AKAP12: variants seen among roughly 807,000 people sequenced by gnomAD.
AKAP12 encodes A-kinase anchor protein 12.
In AKAP12, 32 loss-of-function variants were observed where a neutral mutation model predicts 79.9. The ratio of observed to expected loss-of-function variants is 0.40; its 90% CI spans 0.30 to 0.54. The LOEUF (loss-of-function observed/expected upper bound fraction) is 0.54, where lower values mean the gene tolerates loss of function less well. Ranked by LOEUF, AKAP12 falls within the 20% of genes least tolerant of loss-of-function variation. The probability of loss-of-function intolerance (pLI) is 0.48; values close to 1 mark genes in which losing one functional copy is unlikely to be tolerated. For synonymous variants in AKAP12, 808 were observed against 857.0 expected (o/e 0.94, Z 1.00); for missense variants, 2,074 against 2,177.0 (o/e 0.95, Z 0.94).
chr6:151,303,689 A>C (rs1026712202), intron 2 of AKAP12, among the ~76,000 whole-genome samples: 12 of 152,318 alleles, frequency 7.9e-5, no homozygotes, highest in African/African-American at 2.9e-4. Context: ...GCAGGTCTGT[A>C]CCAGACCTTT....
At chr6:151,297,860 T>C (rs1203708474) in intron 2 of AKAP12, among the ~76,000 whole-genome samples, 1 of 152,298 alleles carries the variant, frequency 6.6e-6, no homozygotes, top group African/African-American at 2.4e-5. Flanking sequence ...GTGACCGTAG[T>C]GTGAGATAAG....
intron 3 of AKAP12, among the ~76,000 whole-genome samples, chr6:151,340,867 A>G (rs919876334): frequency 2.0e-5 from 3 of 152,118 alleles, no homozygotes; most frequent in African/African-American, 7.2e-5. Context: ...CCTCGTGATT[A>G]GATGCCGTTA....
chr6:151,293,468 C>T (rs948661873), intron 2 of AKAP12, among the ~76,000 whole-genome samples: 7 of 152,172 alleles, frequency 4.6e-5, no homozygotes, highest in African/African-American at 1.7e-4. Context: ...TTGTGGAGGT[C>T]CAAGAAGTCA....
intron 2 of AKAP12, among the ~76,000 whole-genome samples, chr6:151,285,396 G>GTGTT (rs1188371343): frequency 4.3e-5 from 4 of 93,126 alleles, no homozygotes; most frequent in African/African-American, 1.3e-4. Flanking sequence ...GTGTGTGTGT[G>GTGTT]TGTGTGTGTG....
chr6:151,246,180 A>T (rs1481748285), intron 2 of AKAP12, among the ~76,000 whole-genome samples: 1 of 152,208 alleles, frequency 6.6e-6, no homozygotes, highest in Non-Finnish European at 1.5e-5. Context: ...GCACTTTGGG[A>T]GGCCGAGGCA....
chr6:151,285,311 A>T (rs1582855743), intron 2 of AKAP12, among the ~76,000 whole-genome samples: 1 of 151,882 alleles, frequency 6.6e-6, no homozygotes, highest in African/African-American at 2.4e-5. Context: ...CTTGGCAGTG[A>T]TTCACATTAC....
chr6:151,282,267 G>A (rs1477828237), intron 2 of AKAP12, among the ~76,000 whole-genome samples: 9 of 151,824 alleles, frequency 5.9e-5, no homozygotes, highest in Non-Finnish European at 1.3e-4. Flanking sequence ...GTGCCACCAC[G>A]CCCAGCTAAT....
rs141049034 is a variant in AKAP12 at position 151,293,623 on chromosome 6, C to T, written c.163-12124C>T. ...GCTCTAGGGGTCTGTATTCTGTGCT[C>T]TGTAACTTGACATGATCTGGGACCC... On this transcript the variant is annotated intron_variant, in intron 2 of 4. Coordinates refer to ENST00000402676, the MANE Select transcript of AKAP12 (RefSeq NM_005100.4). 6.5e-3 allele frequency among the ~76,000 whole-genome samples: 997 copies of T among 152,222 alleles called. 15 individuals carry two copies. The highest frequency in any genetic ancestry group is 0.023 in the African/African-American group (956 of 41,540).
chr6:151,351,742 A>G lies in AKAP12; in HGVS notation c.3351A>G (p.Pro1117=). ...TQGKVVGQTT[P]ESFEKAPQVT... ...GGAAGGTGGTGGGGCAGACCACCCC[A>G]GAAAGCTTTGAAAAAGCTCCTCAAG... is the stretch of plus-strand genomic sequence containing the variant. Residue 1117 remains proline, a synonymous_variant, in exon 4 of 5, where the codon CCA becomes CCG. Coordinates refer to ENST00000402676, the MANE Select transcript of AKAP12 (RefSeq NM_005100.4). The surrounding 1 kb of genome is among the most constrained non-coding windows in gnomAD (Gnocchi z 4.4). The G allele has an allele frequency of 6.2e-7, 1 of 1,614,236 alleles. No homozygotes were observed. The highest frequency in any genetic ancestry group is 8.5e-7 in the Non-Finnish European group (1 of 1,180,046).
intron 2 of AKAP12, among the ~76,000 whole-genome samples, chr6:151,264,103 T>C (rs551881477): frequency 1.3e-5 from 2 of 152,198 alleles, no homozygotes; most frequent in South Asian, 2.1e-4. Context: ...GCTAATGGTA[T>C]GCAGAAGGGA....
At chr6:151,343,866 A>T in intron 3 of AKAP12, 1 of 419,114 alleles carries the variant, frequency 2.4e-6, no homozygotes, top group East Asian at 8.0e-5. Flanking sequence ...CAAATTCATC[A>T]CAGTGTCAGT....
intron 2 of AKAP12, among the ~76,000 whole-genome samples, chr6:151,251,220 C>T (rs1024441494): frequency 5.3e-5 from 8 of 152,150 alleles, no homozygotes; most frequent in African/African-American, 9.7e-5. Flanking sequence ...AGTTGCAGCC[C>T]GTCGATGTTA....
At chr6:151,269,149 A>T (rs902340803) in intron 2 of AKAP12, among the ~76,000 whole-genome samples, 1 of 151,710 alleles carries the variant, frequency 6.6e-6, no homozygotes, top group Non-Finnish European at 1.5e-5. Flanking sequence ...GGACAGTTGA[A>T]TGTAGACAGT....
chr6:151,293,229 G>T (rs982001151), intron 2 of AKAP12, among the ~76,000 whole-genome samples: 1 of 152,204 alleles, frequency 6.6e-6, no homozygotes, highest in Non-Finnish European at 1.5e-5. Context: ...GCCACTTAAC[G>T]TGAGAGTAAT....
At chr6:151,317,176 A>T (rs950225383) in intron 3 of AKAP12, among the ~76,000 whole-genome samples, 4 of 152,220 alleles carry the variant, frequency 2.6e-5, no homozygotes, top group Admixed American at 2.0e-4. Flanking sequence ...GCTCTGAACC[A>T]GGAGCCTACC....
rs3734798 is a variant in AKAP12 at position 151,349,660 on chromosome 6, C to T, written c.1269C>T (p.Thr423=). Residue 423 remains threonine (T), a synonymous_variant, in exon 4 of 5, where the codon ACC becomes ACT. Transcript: ENST00000402676. ...TTGTGGCCGAAGTCCACGTCAGCAC[C>T]GTGGAGGAGAGAACCGAAGAGCAGA... The part of the protein sequence containing the change: ...EEVVAEVHVS[T]VEERTEEQKT... The T allele has an allele frequency of 5.6e-4, 907 of 1,613,784 alleles. 5 individuals are homozygous for T. The highest frequency in any genetic ancestry group is 5.5e-3 in the East Asian group (247 of 44,852).
chr6:151,290,163 T>G (rs998223116), intron 2 of AKAP12, among the ~76,000 whole-genome samples: 44 of 152,280 alleles, frequency 2.9e-4, no homozygotes, highest in Middle Eastern at 3.4e-3. Context: ...CTATTAATGC[T>G]TATAGGGACT....
In AKAP12 at chr6:151,248,800, C is replaced by T. The variant is rs768770587; in HGVS notation, c.162+8076C>T. ...GTCAGCAGTTCAAGACCAGCCTGGCCAACATGGTGAAACCCCATCTCTATT... is the reference window on the plus strand; with the variant it reads ...GTCAGCAGTTCAAGACCAGCCTGGCTAACATGGTGAAACCCCATCTCTATT... On this transcript the variant is annotated intron_variant, in intron 2 of 4. Coordinates refer to ENST00000402676, the MANE Select transcript of AKAP12 (RefSeq NM_005100.4). 2.4e-4 allele frequency among the ~76,000 whole-genome samples: 36 copies of T among 152,134 alleles called. No individual in the cohort carries two copies. The Middle Eastern group carries it at 0.01, about 43-fold the overall frequency.
chr6:151,306,472 T>C (rs1360342933), intron 3 of AKAP12, among the ~76,000 whole-genome samples: 2 of 152,186 alleles, frequency 1.3e-5, no homozygotes, highest in Non-Finnish European at 2.9e-5. Context: ...AGTAAGTCTC[T>C]TGTGAAAAGC....
Sources: allele counts gnomAD v4.1 joint callset (sites outside exome capture counted in the v4.1 genomes callset), GRCh38; gene constraint gnomAD v4.1.1; non-coding constraint Gnocchi (gnomAD v3.1); transcripts MANE v1.5; gene names NCBI Gene and HGNC (gene_info 2026-07-23, HGNC 2026-07-21).